SDK1: variants seen among roughly 807,000 people sequenced by gnomAD.
The protein encoded by SDK1 is sidekick cell adhesion molecule 1, also known as protein sidekick-1.
SDK1 carries 157 observed loss-of-function variants against 245.5 expected under a neutral mutation model. The observed-to-expected ratio is 0.64, with a 90% confidence interval of 0.56 to 0.73. The LOEUF (loss-of-function observed/expected upper bound fraction) is 0.73, where lower values mean the gene tolerates loss of function less well. Ranked by LOEUF, SDK1 falls within the 30% of genes least tolerant of loss-of-function variation. The pLI is 0.00. For synonymous variants in SDK1, 1,647 were observed against 1,278.5 expected (o/e 1.29, Z -6.15); for missense variants, 3,583 against 3,002.3 (o/e 1.19, Z -4.52).
At chr7:4,185,958 G>C (rs1782871548) in intron 35 of SDK1, among the ~76,000 whole-genome samples, 2 of 152,104 alleles carry the variant, frequency 1.3e-5, no homozygotes, top group African/African-American at 4.8e-5. Flanking sequence ...TGAGCTCTAA[G>C]GGGGGATGGA....
chr7:3,881,581 C>T (rs961712450), intron 5 of SDK1, among the ~76,000 whole-genome samples: 5 of 152,138 alleles, frequency 3.3e-5, no homozygotes, highest in African/African-American at 1.2e-4. Context: ...TGCGTGCATA[C>T]ATCTTTATAA....
chr7:3,807,384 G>C (rs1324177758), intron 4 of SDK1, among the ~76,000 whole-genome samples: 1 of 152,206 alleles, frequency 6.6e-6, no homozygotes, highest in East Asian at 1.9e-4. Context: ...CCAGCATGCT[G>C]TGGTATAGTC....
chr7:3,518,880 G>C (rs772494791), intron 1 of SDK1, among the ~76,000 whole-genome samples: 3 of 151,710 alleles, frequency 2.0e-5, no homozygotes, highest in Admixed American at 1.3e-4. Context: ...CAATATACAA[G>C]ATATGGAAGT....
intron 1 of SDK1, among the ~76,000 whole-genome samples, chr7:3,341,217 G>A (rs1429450260): frequency 6.6e-6 from 1 of 152,136 alleles, no homozygotes; most frequent in African/African-American, 2.4e-5. Flanking sequence ...TTCAACGTTC[G>A]AAAATCTATG....
intron 44 of SDK1, among the ~76,000 whole-genome samples, chr7:4,250,017 G>T (rs573484743): frequency 0.015 from 2,281 of 152,222 alleles, 48 homozygotes; most frequent in African/African-American, 0.052. Flanking sequence ...CCGATTAGCA[G>T]TCACTCCTCA....
At chr7:3,636,467 T>C (rs1782460181) in intron 2 of SDK1, among the ~76,000 whole-genome samples, 1 of 152,214 alleles carries the variant, frequency 6.6e-6, no homozygotes, top group Non-Finnish European at 1.5e-5. Flanking sequence ...GTAGGATTTG[T>C]TCTTCTGTGT....
chr7:3,750,115 C>G (rs1274945748), intron 4 of SDK1, among the ~76,000 whole-genome samples: 2 of 152,294 alleles, frequency 1.3e-5, no homozygotes, highest in Middle Eastern at 3.4e-3. Flanking sequence ...ATGTTTCACT[C>G]TGAATGTTTG....
intron 19 of SDK1, among the ~76,000 whole-genome samples, chr7:4,054,675 G>A (rs1779093783): frequency 6.6e-6 from 1 of 152,064 alleles, no homozygotes; most frequent in Admixed American, 6.5e-5. Flanking sequence ...GAATAAGAGT[G>A]ATGAGACCAG....
intron 1 of SDK1, among the ~76,000 whole-genome samples, chr7:3,321,201 A>G (rs1204400248): frequency 6.6e-6 from 1 of 152,234 alleles, no homozygotes; most frequent in African/African-American, 2.4e-5. Context: ...AAGCAAGATG[A>G]TACTATAGAA....
At chr7:3,712,329 T>C (rs1785073104) in intron 4 of SDK1, among the ~76,000 whole-genome samples, 1 of 152,200 alleles carries the variant, frequency 6.6e-6, no homozygotes. Flanking sequence ...GAGAATCTAA[T>C]GCCTGATGAT....
intron 44 of SDK1, among the ~76,000 whole-genome samples, chr7:4,252,936 T>G (rs1787409052): frequency 6.6e-6 from 1 of 152,050 alleles, no homozygotes; most frequent in African/African-American, 2.4e-5. Context: ...TGCTTATAGT[T>G]GTGTACAGTT....
chr7:4,070,645 C>T (rs1360208675), intron 20 of SDK1, among the ~76,000 whole-genome samples: 1 of 152,184 alleles, frequency 6.6e-6, no homozygotes, highest in Non-Finnish European at 1.5e-5. Context: ...AACCAGATCC[C>T]CTGATAGAGC....
intron 1 of SDK1, among the ~76,000 whole-genome samples, chr7:3,519,698 T>C (rs867445521): frequency 1.3e-5 from 2 of 152,148 alleles, no homozygotes; most frequent in South Asian, 4.1e-4. Flanking sequence ...AAAAAATATG[T>C]AGAGGATTAG....
intron 4 of SDK1, among the ~76,000 whole-genome samples, chr7:3,759,534 T>C (rs566836645): frequency 1.8e-4 from 27 of 151,982 alleles, no homozygotes; most frequent in African/African-American, 5.5e-4. Context: ...TTTTATCATA[T>C]GTTGAATTTT....
intron 9 of SDK1, among the ~76,000 whole-genome samples, chr7:3,964,519 G>T (rs1370948215): frequency 5.9e-5 from 9 of 151,760 alleles, no homozygotes; most frequent in African/African-American, 1.7e-4. Flanking sequence ...TAGTTCTTTT[G>T]TGAGTTTCTT....
At chr7:3,792,835 A>G (rs907666939) in intron 4 of SDK1, among the ~76,000 whole-genome samples, 1 of 152,120 alleles carries the variant, frequency 6.6e-6, no homozygotes, top group African/African-American at 2.4e-5. Context: ...TGTTGACTTA[A>G]CATCAGGACC....
At chr7:3,479,087 G>A (rs1399647944) in intron 1 of SDK1, among the ~76,000 whole-genome samples, 1 of 152,052 alleles carries the variant, frequency 6.6e-6, no homozygotes, top group Non-Finnish European at 1.5e-5. Context: ...TCCAGTATGT[G>A]GTCACTTTTC....
chr7:3,460,249 A>G (rs1780791389), intron 1 of SDK1, among the ~76,000 whole-genome samples: 2 of 152,174 alleles, frequency 1.3e-5, no homozygotes, highest in South Asian at 4.2e-4. Flanking sequence ...CCTGCTTGCC[A>G]TAGTTGTATT....
chr7:3,405,594 G>C (rs1226277263), intron 1 of SDK1, among the ~76,000 whole-genome samples: 2 of 152,152 alleles, frequency 1.3e-5, no homozygotes, highest in African/African-American at 4.8e-5. Flanking sequence ...TTTACCCCAT[G>C]CTGGAGTAAC....
Sources: allele counts gnomAD v4.1 joint callset (sites outside exome capture counted in the v4.1 genomes callset), GRCh38; gene constraint gnomAD v4.1.1; transcripts MANE v1.5; gene names NCBI Gene and HGNC (gene_info 2026-07-23, HGNC 2026-07-21).